SNTG1: variants seen among roughly 807,000 people sequenced by gnomAD.
SNTG1 encodes gamma-1-syntrophin.
A neutral mutation model predicts 74.7 loss-of-function variants in SNTG1; 39 were observed. The ratio of observed to expected loss-of-function variants is 0.52; its 90% CI spans 0.40 to 0.68. SNTG1 has a LOEUF of 0.68. SNTG1 is among the 30% of genes least tolerant of loss of function. The pLI is 0.00. For synonymous variants in SNTG1, 254 were observed against 217.1 expected (o/e 1.17, Z -1.49); for missense variants, 685 against 609.5 (o/e 1.12, Z -1.30).
chr8:50,565,650 G>T (rs1029575898), intron 12 of SNTG1, among the ~76,000 whole-genome samples: 1 of 151,972 alleles, frequency 6.6e-6, no homozygotes, highest in African/African-American at 2.4e-5. Context: ...TAGGGAGCAG[G>T]ACTGTAATAT....
At chr8:50,739,387 G>C (rs113204844) in intron 17 of SNTG1, among the ~76,000 whole-genome samples, 9,696 of 152,088 alleles carry the variant, frequency 0.064, 381 homozygotes, top group South Asian at 0.18. Flanking sequence ...CAATTAGAAT[G>C]GTGATCATTA....
chr8:50,046,383 AC>A (rs2130849553), intron 1 of SNTG1, among the ~76,000 whole-genome samples: 1 of 152,224 alleles, frequency 6.6e-6, no homozygotes, highest in African/African-American at 2.4e-5. Flanking sequence ...CTGCATATCT[AC>A]TTGGTATTCT....
intron 12 of SNTG1, among the ~76,000 whole-genome samples, chr8:50,565,278 A>G (rs2094510095): frequency 6.6e-6 from 1 of 152,036 alleles, no homozygotes; most frequent in Non-Finnish European, 1.5e-5. Flanking sequence ...AACAGCAAAA[A>G]AAAAATGTTT....
chr8:50,592,636 ACATACT>A (rs148605130), intron 13 of SNTG1, among the ~76,000 whole-genome samples: 4,922 of 152,210 alleles, frequency 0.032, 131 homozygotes, highest in African/African-American at 0.06. Context: ...ATATTCTGAC[ACATACT>A]CATATGTAAG....
At chr8:50,275,626 G>A (rs1350719711) in intron 2 of SNTG1, among the ~76,000 whole-genome samples, 1 of 152,154 alleles carries the variant, frequency 6.6e-6, no homozygotes, top group Non-Finnish European at 1.5e-5. Flanking sequence ...TTGCGGTGCT[G>A]GAGGTAGAAC....
chr8:50,785,138 A>C (rs12541141), intron 18 of SNTG1, among the ~76,000 whole-genome samples: 33,412 of 151,846 alleles, frequency 0.22, 3,833 homozygotes, highest in South Asian at 0.33. Flanking sequence ...AAGAAATTAG[A>C]GAAAGAGCAA....
At position 49,955,987 on chromosome 8, in the gene SNTG1, T is replaced by C. The variant is rs113843753; in HGVS notation, c.-103+43756T>C. Among the ~76,000 whole-genome samples, 567 of 152,328 alleles carry C rather than the reference T, an allele frequency of 3.7e-3. 4 individuals are homozygous for C. The highest frequency in any genetic ancestry group is 8.0e-3 in the African/African-American group (334 of 41,578). ...CATGTTTCTTCTGCTTTCTTTTCAT[T>C]GCCATATATTGTTTTCTCTGCCAGA... On this transcript the variant is annotated intron_variant, in intron 1 of 18. Coordinates refer to ENST00000642720, the MANE Select transcript of SNTG1 (RefSeq NM_018967.5).
intron 1 of SNTG1, among the ~76,000 whole-genome samples, chr8:50,031,496 A>C (rs1817737423): frequency 6.6e-6 from 1 of 152,014 alleles, no homozygotes; most frequent in African/African-American, 2.4e-5. Flanking sequence ...ACATTGAGAA[A>C]GTTTTCTCTC....
At chr8:50,112,381 G>A (rs992676595) in intron 1 of SNTG1, among the ~76,000 whole-genome samples, 7 of 151,978 alleles carry the variant, frequency 4.6e-5, no homozygotes, top group South Asian at 2.1e-4. Flanking sequence ...AGGTTCATAT[G>A]GTAGCATAAA....
intron 3 of SNTG1, among the ~76,000 whole-genome samples, chr8:50,401,269 G>A (rs2092802016): frequency 6.6e-6 from 1 of 152,072 alleles, no homozygotes; most frequent in Non-Finnish European, 1.5e-5. Context: ...CTATCTCAAA[G>A]GAATTACCTT....
At chr8:50,415,230 G>T (rs1045109235) in intron 4 of SNTG1, among the ~76,000 whole-genome samples, 1 of 152,108 alleles carries the variant, frequency 6.6e-6, no homozygotes, top group Non-Finnish European at 1.5e-5. Flanking sequence ...GTAATGTAAA[G>T]CAGCCTAGAG....
chr8:50,639,793 G>T (rs919099576), intron 13 of SNTG1, among the ~76,000 whole-genome samples: 2 of 151,954 alleles, frequency 1.3e-5, no homozygotes, highest in Non-Finnish European at 2.9e-5. Context: ...ATTTTGTAAT[G>T]TTCTTGGTAT....
At chr8:50,104,374 G>T (rs2131260222) in intron 1 of SNTG1, among the ~76,000 whole-genome samples, 1 of 152,170 alleles carries the variant, frequency 6.6e-6, no homozygotes, top group East Asian at 1.9e-4. Flanking sequence ...ATTCTCTGAT[G>T]GTAGTTTGTA....
At chr8:50,551,631 TA>T (rs1384637248) in intron 11 of SNTG1, among the ~76,000 whole-genome samples, 4 of 152,210 alleles carry the variant, frequency 2.6e-5, no homozygotes, top group African/African-American at 9.6e-5. Flanking sequence ...ACATCAGAAT[TA>T]AAGCTAAAAA....
At chr8:50,547,389 A>G (rs974245398) in intron 11 of SNTG1, among the ~76,000 whole-genome samples, 1 of 152,146 alleles carries the variant, frequency 6.6e-6, no homozygotes, top group African/African-American at 2.4e-5. Flanking sequence ...TTCTTACACA[A>G]TTATGTAGGG....
upstream of SNTG1, among the ~76,000 whole-genome samples, chr8:49,910,451 C>T (rs1805523476): frequency 6.6e-6 from 1 of 152,202 alleles, no homozygotes; most frequent in African/African-American, 2.4e-5. Flanking sequence ...CCATTTTCCC[C>T]TTTTACTCCA....
At chr8:50,348,967 A>T (rs1367428783) in intron 2 of SNTG1, among the ~76,000 whole-genome samples, 1 of 152,192 alleles carries the variant, frequency 6.6e-6, no homozygotes, top group Non-Finnish European at 1.5e-5. Context: ...TTTTATTCTA[A>T]TTTAAATCTC....
At chr8:50,112,421 A>T (rs1444463286) in intron 1 of SNTG1, among the ~76,000 whole-genome samples, 1 of 151,952 alleles carries the variant, frequency 6.6e-6, no homozygotes, top group African/African-American at 2.4e-5. Context: ...GGATCTAAGA[A>T]TGCAGGTGTA....
At chr8:50,359,419 T>C (rs2091900913) in intron 2 of SNTG1, among the ~76,000 whole-genome samples, 2 of 152,222 alleles carry the variant, frequency 1.3e-5, no homozygotes, top group African/African-American at 4.8e-5. Flanking sequence ...TGTAAACCGC[T>C]GGCATTTAAG....
Sources: allele counts gnomAD v4.1 joint callset (sites outside exome capture counted in the v4.1 genomes callset), GRCh38; gene constraint gnomAD v4.1.1; transcripts MANE v1.5; gene names NCBI Gene and HGNC (gene_info 2026-07-23, HGNC 2026-07-21).